Variants in RAB38 observed in about 807,000 individuals in gnomAD.
The protein encoded by RAB38 is RAB38, member RAS oncogene family, also known as ras-related protein Rab-38.
In RAB38, 15 loss-of-function variants were observed where a neutral mutation model predicts 18.4. That is an observed-to-expected ratio of 0.82 (90% confidence interval 0.55 to 1.26). RAB38 has a LOEUF of 1.26. Ranked by LOEUF, RAB38 falls within the 50% of genes most tolerant of loss-of-function variation. The pLI is 0.00. For missense variants in RAB38, 294 were observed against 267.4 expected (o/e 1.10, Z -0.69); for synonymous variants, 101 against 104.4 (o/e 0.97, Z 0.20).
At chr11:87,839,479 G>T in the RAB38 span, among the ~76,000 whole-genome samples, 1 of 152,060 alleles carries the variant, frequency 6.6e-6, no homozygotes, top group African/African-American at 2.4e-5. Flanking sequence ...CTTTTCAGTT[G>T]TTCTTTTTCA....
At chr11:88,008,392 A>G in the RAB38 span, among the ~76,000 whole-genome samples, 5 of 152,144 alleles carry the variant, frequency 3.3e-5, no homozygotes, top group African/African-American at 1.2e-4. Flanking sequence ...AAAAGTTACC[A>G]GAAGAAGAGC....
chr11:87,857,092 C>A, the RAB38 span, among the ~76,000 whole-genome samples: 14 of 152,128 alleles, frequency 9.2e-5, no homozygotes, highest in South Asian at 2.9e-3. Flanking sequence ...CAATTCCCAC[C>A]TATGAGTGAG....
the RAB38 span, among the ~76,000 whole-genome samples, chr11:87,960,743 G>C: frequency 3.3e-5 from 5 of 152,120 alleles, no homozygotes; most frequent in South Asian, 2.1e-4. Flanking sequence ...TCATAAAGGA[G>C]TGCCTAAAAG....
chr11:88,077,557 C>A, the RAB38 span, among the ~76,000 whole-genome samples: 1 of 152,030 alleles, frequency 6.6e-6, no homozygotes, highest in Non-Finnish European at 1.5e-5. Context: ...AGGGAAAAGA[C>A]AGAATCTTCA....
the RAB38 span, among the ~76,000 whole-genome samples, chr11:87,824,978 A>G: frequency 1.3e-5 from 2 of 150,328 alleles, no homozygotes; most frequent in East Asian, 1.9e-4. Context: ...ACACTTTTGA[A>G]AGAGAGAGAG....
At chr11:87,915,026 G>T in the RAB38 span, among the ~76,000 whole-genome samples, 2 of 152,138 alleles carry the variant, frequency 1.3e-5, no homozygotes, top group Admixed American at 1.3e-4. Context: ...TGCCTGAGGG[G>T]CAGAGCCACT....
chr11:87,946,119 T>A, the RAB38 span, among the ~76,000 whole-genome samples: 1 of 152,164 alleles, frequency 6.6e-6, no homozygotes, highest in Non-Finnish European at 1.5e-5. Flanking sequence ...GGGGAATATA[T>A]ACAAACTATG....
intron 2 of RAB38, among the ~76,000 whole-genome samples, chr11:88,135,675 T>C (rs1473755678): frequency 6.6e-6 from 1 of 152,220 alleles, no homozygotes; most frequent in East Asian, 1.9e-4. Flanking sequence ...CTAAACTTAT[T>C]ACCAGATGAA....
At chr11:88,089,395 T>G in the RAB38 span, among the ~76,000 whole-genome samples, 1 of 148,206 alleles carries the variant, frequency 6.7e-6, no homozygotes, top group African/African-American at 2.5e-5. Context: ...CAATGCTGCT[T>G]TTTGTAGCTT....
At chr11:87,866,888 G>A in the RAB38 span, among the ~76,000 whole-genome samples, 1 of 151,704 alleles carries the variant, frequency 6.6e-6, no homozygotes, top group African/African-American at 2.4e-5. Flanking sequence ...GTGGAGACTT[G>A]GTCAAGTTGG....
chr11:87,905,852 T>A, the RAB38 span, among the ~76,000 whole-genome samples: 3 of 151,964 alleles, frequency 2.0e-5, no homozygotes, highest in Non-Finnish European at 4.4e-5. Flanking sequence ...TCTCTTGTAC[T>A]CTGACTGCAA....
At chr11:87,949,197 C>G in the RAB38 span, among the ~76,000 whole-genome samples, 1 of 152,208 alleles carries the variant, frequency 6.6e-6, no homozygotes, top group Non-Finnish European at 1.5e-5. Context: ...ATAGTATTCT[C>G]TGACGGTAGT....
chr11:88,174,165 G>T, intron 1 of RAB38: 1 of 852,410 alleles, frequency 1.2e-6, no homozygotes, highest in Non-Finnish European at 1.4e-6. Flanking sequence ...ACTTAACAGC[G>T]ATGCAACTGA....
chr11:87,872,982 T>A, the RAB38 span, among the ~76,000 whole-genome samples: 1 of 151,738 alleles, frequency 6.6e-6, no homozygotes, highest in South Asian at 2.1e-4. Context: ...TTGAACACAA[T>A]TACTGAATCG....
chr11:87,817,481 A>T, the RAB38 span: 17 of 152,154 alleles, frequency 1.1e-4, no homozygotes, highest in African/African-American at 3.6e-4. Flanking sequence ...TACTAACTTA[A>T]TTTTTTTGTC....
At chr11:88,109,884 A>G (rs1565206249), downstream of RAB38, among the ~76,000 whole-genome samples, 2 of 152,158 alleles carry the variant, frequency 1.3e-5, no homozygotes, top group Non-Finnish European at 2.9e-5. Context: ...GCTGGAGAGG[A>G]TGTGGAGAAA....
the RAB38 span, among the ~76,000 whole-genome samples, chr11:87,831,627 G>A: frequency 6.6e-6 from 1 of 152,180 alleles, no homozygotes; most frequent in African/African-American, 2.4e-5. Flanking sequence ...ATGAGTACAT[G>A]CTGAGAAAGG....
the RAB38 span, among the ~76,000 whole-genome samples, chr11:88,089,213 G>C: frequency 6.6e-6 from 1 of 151,444 alleles, no homozygotes; most frequent in Non-Finnish European, 1.5e-5. Context: ...TGCTGATCTT[G>C]TGACACTCTC....
At chr11:88,163,736 G>A (rs1466657584) in intron 1 of RAB38, among the ~76,000 whole-genome samples, 1 of 152,120 alleles carries the variant, frequency 6.6e-6, no homozygotes, top group Non-Finnish European at 1.5e-5. Flanking sequence ...ATTTTCGAAA[G>A]TATTCTCATT....
Sources: gnomAD v4.1 joint callset for allele counts (sites outside exome capture counted in the v4.1 genomes callset) on GRCh38, gnomAD v4.1.1 for gene constraint, MANE v1.5 for transcripts, NCBI Gene and HGNC (gene_info 2026-07-23, HGNC 2026-07-21) for gene names.